The following SERPINF2 variants were observed in gnomAD, a reference collection of about 807,000 sequenced individuals.
SERPINF2 encodes the protein serpin family F member 2.
SERPINF2 carries 15 observed loss-of-function variants against 45.0 expected under a neutral mutation model. The observed-to-expected ratio is 0.33, with a 90% confidence interval of 0.22 to 0.51. The LOEUF is 0.51. Ranked by LOEUF, SERPINF2 falls within the 20% of genes least tolerant of loss-of-function variation. The pLI is 0.97. For synonymous variants in SERPINF2, 283 were observed against 277.9 expected, an observed-to-expected ratio of 1.02 and a Z score of -0.18; for missense variants, 518 against 637.4, an observed-to-expected ratio of 0.81 and a Z score of 2.02.
chr17:1,746,005 T>C lies in SERPINF2; in HGVS notation c.367+96T>C, dbSNP rs1442782349. 5.3e-6 allele frequency: 7 copies of C among 1,325,862 alleles called. No homozygotes were observed. The East Asian group carries it at 1.2e-4, about 22-fold the overall frequency. The allele number at this position is 1,325,862 out of a possible 1,614,324, so 82.1% of individuals were successfully genotyped here. A position where few individuals can be genotyped will look rare whatever the true frequency, so the allele number is the denominator to read the frequency against. ...TCCGCGGGCGGTTCCTCCACCAGGG[T>C]CACGTGGCTGTTTGGTAAAAATGCA... On this transcript the variant is annotated intron_variant, in intron 5 of 9. Coordinates refer to ENST00000453066, the MANE Select transcript of SERPINF2 (RefSeq NM_000934.4).
In SERPINF2 at chr17:1,747,054, G is replaced by T. The variant is rs199709434; in HGVS notation, c.403G>T (p.Val135Leu). ...QNHTLQRLQQ[V>L]LHAGSGPCLP... ...CCACACGTTGCAGAGGCTGCAACAG[G>T]TGCTGCACGCAGGCTCAGGGCCCTG... The change falls in exon 6 of 10, where the codon GTG becomes TTG. Residue 135 changes from valine (V) to leucine (L), a missense_variant. Around this residue, in one of 2 missense-constraint regions of SERPINF2, gnomAD observed 435 missense variants for 577.3 expected, o/e 0.75. Transcript: ENST00000453066. The T allele has an allele frequency of 2.5e-6, 4 of 1,608,124 alleles. No homozygotes were observed. The highest frequency in any genetic ancestry group is 2.2e-5 in the East Asian group (1 of 44,874).
In SERPINF2 at chr17:1,747,057, C is replaced by T; in HGVS notation, c.406C>T (p.Leu136=). ...NHTLQRLQQV[L]HAGSGPCLPH... Reference sequence around the variant, plus strand: ...CACGTTGCAGAGGCTGCAACAGGTGCTGCACGCAGGCTCAGGGCCCTGCCT... The same window carrying T: ...CACGTTGCAGAGGCTGCAACAGGTGTTGCACGCAGGCTCAGGGCCCTGCCT... The change falls in exon 6 of 10, where the codon CTG becomes TTG. Residue 136 remains leucine, a synonymous_variant. Coordinates refer to ENST00000453066, the MANE Select transcript of SERPINF2 (RefSeq NM_000934.4). 6.2e-7 allele frequency: 1 copy of T among 1,608,296 alleles called. No homozygotes were observed. The highest frequency in any genetic ancestry group is 8.5e-7 in the Non-Finnish European group (1 of 1,179,880).
Position 1,745,410 on chromosome 17 carries a change from G to A in SERPINF2, c.165+15G>A, listed in dbSNP as rs778284192. ...TGGGCAACCAGGTACAACCAGGTGG[G>A]GCTGGGGAAGAGTGGGCGGGGCTAG... On this transcript the variant is annotated intron_variant, in intron 4 of 9. Coordinates refer to ENST00000453066, the MANE Select transcript of SERPINF2 (RefSeq NM_000934.4). The surrounding 1 kb of genome is among the most constrained non-coding windows in gnomAD (Gnocchi z 6.2). 2 of 1,612,138 alleles carry A rather than the reference G, an allele frequency of 1.2e-6. No individual in the cohort carries two copies. Among genetic ancestry groups the A allele is most frequent in the Non-Finnish European group, 1.7e-6 (2 of 1,179,754 alleles).
chr17:1,743,236 C>A (rs1393864672), intron 1 of SERPINF2, among the ~76,000 whole-genome samples: 1 of 152,198 alleles, frequency 6.6e-6, no homozygotes, highest in Non-Finnish European at 1.5e-5. Context: ...CCTGCCCTTC[C>A]CAGAGCCAGC....
In SERPINF2 at chr17:1,745,220, G is replaced by A; in HGVS notation, c.102+7G>A. 6.4e-7 allele frequency: 1 copy of A among 1,573,226 alleles called. No individual in the cohort carries two copies. Among genetic ancestry groups the A allele is most frequent in the Non-Finnish European group, 8.6e-7 (1 of 1,159,722 alleles). Reference sequence around the variant, plus strand: ...GGAGCCCTTGGGCCGGCAGGTACTGGGGAGTGAGGAGCCTGTGATGGGGGG... The same window carrying A: ...GGAGCCCTTGGGCCGGCAGGTACTGAGGAGTGAGGAGCCTGTGATGGGGGG... On this transcript the variant is annotated splice_region_variant and intron_variant, in intron 3 of 9. Transcript: ENST00000453066. The surrounding 1 kb of genome is among the most constrained non-coding windows in gnomAD (Gnocchi z 6.2).
In SERPINF2 at chr17:1,752,656, T is replaced by A. The variant is rs746036358; in HGVS notation, c.929T>A (p.Val310Glu). ...VLVPTHFEWN[V>E]SQVLANLSWD... ...GTACCCACCCACTTTGAATGGAACG[T>A]GTCCCAGGTACTGGCCAACCTGAGT... The change falls in exon 9 of 10, where the codon GTG (valine) becomes GAG (glutamate). Residue 310 changes from valine (V) to glutamate (E), a missense_variant. Transcript: ENST00000453066. 4 of 1,614,232 alleles carry A rather than the reference T, an allele frequency of 2.5e-6. No individual in the cohort carries two copies. The highest frequency in any genetic ancestry group is 4.5e-5 in the East Asian group (2 of 44,888).
chr17:1,751,356 G>A (rs903109379), intron 8 of SERPINF2, among the ~76,000 whole-genome samples: 1 of 151,624 alleles, frequency 6.6e-6, no homozygotes, highest in Non-Finnish European at 1.5e-5. Flanking sequence ...GGCTGAGGCA[G>A]GAGAATCACT....
At chr17:1,750,188 G>A (rs759505419) in intron 8 of SERPINF2, among the ~76,000 whole-genome samples, 7 of 151,654 alleles carry the variant, frequency 4.6e-5, no homozygotes, top group African/African-American at 1.5e-4. Flanking sequence ...TCTCTCTATC[G>A]CCCAGACTGG....
Position 1,754,622 on chromosome 17 carries a change from G to C in SERPINF2, c.*88G>C. 2 of 1,518,196 alleles carry C rather than the reference G, an allele frequency of 1.3e-6. No homozygotes were observed. Among genetic ancestry groups the C allele is most frequent in the Non-Finnish European group, 1.8e-6 (2 of 1,131,606 alleles). The allele number at this position is 1,518,196 out of a possible 1,614,324, so 94.0% of individuals were successfully genotyped here. On this transcript the variant is annotated 3_prime_UTR_variant, in exon 10 of 10. Transcript: ENST00000453066. Reference sequence around the variant, plus strand: ...TTCCAACCGGCTTTGTGGCACTGGGGCAGGGGCCGGGGGCAGTCTGAGAGA... The same window carrying C: ...TTCCAACCGGCTTTGTGGCACTGGGCCAGGGGCCGGGGGCAGTCTGAGAGA...
At chr17:1,746,189 G>T (rs895842010) in intron 5 of SERPINF2, among the ~76,000 whole-genome samples, 1 of 151,912 alleles carries the variant, frequency 6.6e-6, no homozygotes, top group Admixed American at 6.6e-5. Context: ...GTGGTGGTGC[G>T]CACCTGTAAT....
intron 8 of SERPINF2, among the ~76,000 whole-genome samples, chr17:1,751,412 G>A (rs1906386648): frequency 1.1e-5 from 1 of 92,492 alleles, no homozygotes; most frequent in African/African-American, 2.8e-5. Flanking sequence ...TCATGCCACT[G>A]CACTCCAGCC....
At chr17:1,752,083 C>G (rs533639619) in intron 8 of SERPINF2, among the ~76,000 whole-genome samples, 1 of 102,856 alleles carries the variant, frequency 9.7e-6, no homozygotes, top group Non-Finnish European at 2.5e-5. Context: ...CGGATTTTTA[C>G]TCCTGTCCCC....
chr17:1,745,639 G>A lies in SERPINF2; in HGVS notation c.166-69G>A. 2 of 1,492,506 alleles carry A rather than the reference G, an allele frequency of 1.3e-6. No individual in the cohort carries two copies. Among genetic ancestry groups the A allele is most frequent in the Non-Finnish European group, 1.9e-6 (2 of 1,078,542 alleles). The allele number at this position is 1,492,506 out of a possible 1,614,324, so 92.5% of individuals were successfully genotyped here. On this transcript the variant is annotated intron_variant, in intron 4 of 9. Transcript: ENST00000453066. The surrounding 1 kb of genome is among the most constrained non-coding windows in gnomAD (Gnocchi z 6.2). ...TGCTGTCCTCAGGCACAGGGGCTGT[G>A]ACAAGGCCTTCAACACAGAACCTGG...
At chr17:1,744,866 G>C (rs1486737407) in intron 1 of SERPINF2, 126 bp from the exon 2 acceptor site, 1 of 1,561,234 alleles carries the variant, frequency 6.4e-7, no homozygotes, top group African/African-American at 1.4e-5. Flanking sequence ...TTCTGATTCT[G>C]GAGCCTGCTT....
chr17:1,745,993 C>T lies in SERPINF2; in HGVS notation c.367+84C>T. On this transcript the variant is annotated intron_variant, in intron 5 of 9. Coordinates refer to ENST00000453066, the MANE Select transcript of SERPINF2 (RefSeq NM_000934.4). This position sits in a 1 kb window ranked among gnomAD's most constrained non-coding sequence, Gnocchi z 6.2. ...CTCCAATGGTTCTCCGCGGGCGGTT[C>T]CTCCACCAGGGTCACGTGGCTGTTT... 1 of 1,451,986 alleles carries T rather than the reference C, an allele frequency of 6.9e-7. No homozygotes were observed. Among genetic ancestry groups the T allele is most frequent in the Non-Finnish European group, 9.7e-7 (1 of 1,034,586 alleles). 89.9% of individuals were successfully genotyped at this position (1,451,986 alleles called of 1,614,324 possible). A position where few individuals can be genotyped will look rare whatever the true frequency, so the allele number is the denominator to read the frequency against.
At position 1,745,674 on chromosome 17, in the gene SERPINF2, C is replaced by T. The variant is rs1191316761; in HGVS notation, c.166-34C>T. 1 of 1,604,922 alleles carries T rather than the reference C, an allele frequency of 6.2e-7. No homozygotes were observed. Among genetic ancestry groups the T allele is most frequent in the East Asian group, 2.2e-5 (1 of 44,838 alleles). ...TCAACACAGAACCTGGAGCTGACCC[C>T]TTGACCTCCCTGACCCCTGATCTGT... On this transcript the variant is annotated intron_variant, in intron 4 of 9. Transcript: ENST00000453066. This position sits in a 1 kb window ranked among gnomAD's most constrained non-coding sequence, Gnocchi z 6.2.
chr17:1,752,489 G>A, intron 8 of SERPINF2, 97 bp from the exon 9 acceptor site: 1 of 1,073,994 alleles, frequency 9.3e-7, no homozygotes, highest in African/African-American at 1.5e-5. Flanking sequence ...AGGATGGCCA[G>A]GAGCCCCATT....
At chr17:1,746,363 G>A (rs143367195) in intron 5 of SERPINF2, among the ~76,000 whole-genome samples, 89 of 151,748 alleles carry the variant, frequency 5.9e-4, no homozygotes, top group African/African-American at 2.1e-3. Context: ...CCACCCATCT[G>A]TCTATGTGAA....
intron 1 of SERPINF2, chr17:1,744,626 G>A (rs952265886): frequency 1.6e-5 from 16 of 985,310 alleles, no homozygotes; most frequent in South Asian, 1.4e-4. Flanking sequence ...GGGAAATGCC[G>A]AGGTCCTTTG....
Sources: gnomAD v4.1 joint callset for allele counts (sites outside exome capture counted in the v4.1 genomes callset) on GRCh38, gnomAD v4.1.1 for gene constraint, gnomAD v4.1.1 regional missense constraint, Gnocchi (gnomAD v3.1) non-coding constraint, MANE v1.5 for transcripts, NCBI Gene and HGNC (gene_info 2026-07-23, HGNC 2026-07-21) for gene names.